The following TRIM29 variants were observed in gnomAD, a reference collection of about 807,000 sequenced individuals.
TRIM29 encodes tripartite motif-containing protein 29.
TRIM29 carries 52 observed loss-of-function variants against 57.3 expected under a neutral mutation model. The ratio of observed to expected loss-of-function variants is 0.91; its 90% CI spans 0.73 to 1.14. TRIM29 has a LOEUF of 1.14. Among genes scored for constraint, TRIM29 ranks in the 50% most tolerant of loss-of-function variants. The probability of loss-of-function intolerance (pLI) is 0.00; values close to 1 mark genes in which losing one functional copy is unlikely to be tolerated. For missense variants in TRIM29, 753 were observed against 774.6 expected, an observed-to-expected ratio of 0.97 and a Z score of 0.33; for synonymous variants, 319 against 316.9, an observed-to-expected ratio of 1.01 and a Z score of -0.07.
chr11:120,135,911 C>T (rs1488480336), intron 1 of TRIM29, among the ~76,000 whole-genome samples: 4 of 152,144 alleles, frequency 2.6e-5, no homozygotes, highest in Non-Finnish European at 5.9e-5. Context: ...CCACCCACAG[C>T]AGGAAGCTGT....
chr11:120,125,663 T>C lies in TRIM29; in HGVS notation c.1333+28A>G, dbSNP rs755799754. The C allele has an allele frequency of 2.5e-6, 4 of 1,613,238 alleles. No individual in the cohort carries two copies. The South Asian group carries it at 4.4e-5, about 18-fold the overall frequency. Reference sequence around the variant, plus strand: ...TTTGGGAGAGAAAGGTCTATGGCCTTGGGGCCCAGCCACGAGAGGGGACCT... The same window carrying C: ...TTTGGGAGAGAAAGGTCTATGGCCTCGGGGCCCAGCCACGAGAGGGGACCT... On this transcript the variant is annotated intron_variant, in intron 4 of 8. Transcript: ENST00000341846.
At chr11:120,112,889 TTAAA>T (rs1226776069) in intron 8 of TRIM29, among the ~76,000 whole-genome samples, 8 of 152,270 alleles carry the variant, frequency 5.3e-5, no homozygotes, top group Non-Finnish European at 1.0e-4. Flanking sequence ...AACCACCCAA[TTAAA>T]TAGATTACTA....
At chr11:120,120,548 AC>A in intron 6 of TRIM29, 24 bp downstream of exon 6, 1 of 1,604,558 alleles carries the variant, frequency 6.2e-7, no homozygotes, top group Non-Finnish European at 8.5e-7. Flanking sequence ...AACTCTGTGC[AC>A]CCTTGAGCTG....
chr11:120,114,125 G>A lies in TRIM29; in HGVS notation c.1704+1213C>T, dbSNP rs115905371. Among the ~76,000 whole-genome samples, 545 of 152,220 alleles carry A rather than the reference G, an allele frequency of 3.6e-3. 5 individuals carry two copies. The highest frequency in any genetic ancestry group is 0.011 in the African/African-American group (463 of 41,536). ...CAGCTCAGCTTCTCTGCAGCCCAGC[G>A]CCTGTCTCCACTCTCCCAGTGCTGG... On this transcript the variant is annotated intron_variant, in intron 8 of 8. Coordinates refer to ENST00000341846, the MANE Select transcript of TRIM29 (RefSeq NM_012101.4).
At chr11:120,115,661 C>A (rs1863249605) in intron 7 of TRIM29, 6 of 523,202 alleles carry the variant, frequency 1.1e-5, no homozygotes, top group South Asian at 1.0e-4. Flanking sequence ...TGGGCTGGAC[C>A]AGGCAGCAGG....
chr11:120,133,985 T>A (rs1163030590), intron 1 of TRIM29, among the ~76,000 whole-genome samples: 1 of 150,204 alleles, frequency 6.7e-6, no homozygotes, highest in Non-Finnish European at 1.5e-5. Flanking sequence ...ACCCAGGAGG[T>A]CTTAACATCC....
At chr11:120,128,971 G>A in intron 1 of TRIM29, 1 of 1,293,220 alleles carries the variant, frequency 7.7e-7, no homozygotes, top group Non-Finnish European at 9.9e-7. Flanking sequence ...GTTGCAAGCA[G>A]CAGCCAGGGT....
rs1377898892 is a variant in TRIM29 at position 120,127,479 on chromosome 11, C to G, written c.991G>C (p.Ala331Pro). 20 of 1,614,250 alleles carry G rather than the reference C, an allele frequency of 1.2e-5. No individual in the cohort carries two copies. The highest frequency in any genetic ancestry group is 1.7e-5 in the Admixed American group (1 of 60,030). ...LEKQKEEVRAALEQREQDAVD... is the reference protein window; with the variant it reads ...LEKQKEEVRAPLEQREQDAVD... ...GCATCCTGCTCCCGCTGCTCCAGCG[C>G]AGCCCTCACTTCCTCCTTTTGCTTC... The change falls in exon 3 of 9, where the codon GCG becomes CCG. Residue 331 changes from alanine (A) to proline (P), a missense_variant. By Grantham distance (27) the Ala-to-Pro change is conservative. Transcript: ENST00000341846.
In TRIM29 at chr11:120,116,846, G is replaced by C. The variant is rs527530256; in HGVS notation, c.1627+1377C>G. On this transcript the variant is annotated intron_variant, in intron 7 of 8. Coordinates refer to ENST00000341846, the MANE Select transcript of TRIM29 (RefSeq NM_012101.4). ...CAGGTGGGGCATGCATCCCTCTCCA[G>C]GGAGCTCTGGGGAGAAGGGACCGGC... 1.5e-3 allele frequency: 391 copies of C among 256,510 alleles called. 2 individuals are homozygous for C. The highest frequency in any genetic ancestry group is 8.3e-3 in the African/African-American group (362 of 43,760). 15.9% of individuals were successfully genotyped at this position (256,510 alleles called of 1,614,324 possible). A position where few individuals can be genotyped will look rare whatever the true frequency, so the allele number is the denominator to read the frequency against.
chr11:120,123,756 A>G (rs772211346), intron 4 of TRIM29: 15 of 327,946 alleles, frequency 4.6e-5, no homozygotes, highest in South Asian at 2.8e-4. Context: ...CTCCTGAGCA[A>G]GAGGAGAAAT....
At position 120,137,741 on chromosome 11, in the gene TRIM29, G is replaced by A; in HGVS notation, c.291C>T (p.Asp97=). ...DDKNSNYFSM[D]SMEGKRSPYA... is the part of the protein sequence containing the mutation. ...ACGGCGACCTCTTGCCTTCCATAGA[G>A]TCCATGCTGAAGTAGTTGGAGTTCT... is the stretch of plus-strand genomic sequence containing the variant. Residue 97 remains aspartate, a synonymous_variant, in exon 1 of 9, where the codon GAC becomes GAT. Transcript: ENST00000341846. This position sits in a 1 kb window ranked among gnomAD's most constrained non-coding sequence, Gnocchi z 6.2. The A allele has an allele frequency of 1.9e-6, 3 of 1,612,528 alleles. No individual in the cohort carries two copies. Among genetic ancestry groups the A allele is most frequent in the Non-Finnish European group, 2.5e-6 (3 of 1,180,016 alleles).
chr11:120,124,056 C>T lies in TRIM29; in HGVS notation c.1334-1001G>A, dbSNP rs543337690. 1.4e-3 allele frequency: 224 copies of T among 155,646 alleles called. 1 individual carries two copies. The highest frequency in any genetic ancestry group is 5.1e-3 in the African/African-American group (213 of 41,538). The allele number at this position is 155,646 out of a possible 1,614,324, so 9.6% of individuals were successfully genotyped here. On this transcript the variant is annotated intron_variant, in intron 4 of 8. Coordinates refer to ENST00000341846, the MANE Select transcript of TRIM29 (RefSeq NM_012101.4). ...AGCAGACACACTCCCAGCAGCCACA[C>T]GAAAAAACAACACAGAGGCAGAGGA...
intron 7 of TRIM29, chr11:120,117,911 G>T (rs1863315822): frequency 2.7e-6 from 1 of 369,672 alleles, no homozygotes; most frequent in Non-Finnish European, 5.0e-6. Context: ...AGCATCCTGA[G>T]GATCAGAGAG....
In TRIM29 at chr11:120,137,596, C is replaced by G; in HGVS notation, c.436G>C (p.Gly146Arg). Residue 146 changes from glycine to arginine, a missense_variant, in exon 1 of 9, where the codon GGG (glycine) becomes CGG (arginine). Gly to Arg is a moderately radical substitution (Grantham distance 125). Transcript: ENST00000341846. The surrounding 1 kb of genome is among the most constrained non-coding windows in gnomAD (Gnocchi z 6.2). ...GGGTAGCTGTTCCGCCGGGTCTCCC[C>G]GGGCTCCATGATGGACACCGTGGGC... The part of the protein sequence containing the change: ...RKPTVSIMEP[G>R]ETRRNSYPRA... 6.2e-7 allele frequency: 1 copy of G among 1,613,312 alleles called. No individual in the cohort carries two copies. The highest frequency in any genetic ancestry group is 8.5e-7 in the Non-Finnish European group (1 of 1,180,020).
intron 8 of TRIM29, chr11:120,113,699 A>G (rs1354659912): frequency 6.6e-6 from 3 of 456,084 alleles, no homozygotes; most frequent in African/African-American, 6.0e-5. Flanking sequence ...AGGGGTAAGA[A>G]CAGCTACTTA....
chr11:120,118,605 C>T (rs1226125186), intron 6 of TRIM29, among the ~76,000 whole-genome samples: 1 of 152,088 alleles, frequency 6.6e-6, no homozygotes, highest in Non-Finnish European at 1.5e-5. Context: ...GAGTTGCTCC[C>T]CCAACCCCCA....
chr11:120,120,796 C>T (rs754202211), intron 5 of TRIM29, 131 bp from the exon 6 acceptor site: 161 of 763,010 alleles, frequency 2.1e-4, no homozygotes, highest in Non-Finnish European at 1.0e-4. Flanking sequence ...TTGGGTCTGA[C>T]ATAAGTCAAT....
At chr11:120,113,627 G>A (rs1863193601) in intron 8 of TRIM29, 2 of 456,146 alleles carry the variant, frequency 4.4e-6, no homozygotes, top group Non-Finnish European at 8.8e-6. Flanking sequence ...AGCAGGACTT[G>A]AGGGATGCTC....
intron 8 of TRIM29, among the ~76,000 whole-genome samples, chr11:120,112,924 T>A (rs1863170934): frequency 6.6e-6 from 1 of 152,182 alleles, no homozygotes; most frequent in South Asian, 2.1e-4. Context: ...CAATTTATAG[T>A]TGAGCAAACC....
Sources: allele counts gnomAD v4.1 joint callset (sites outside exome capture counted in the v4.1 genomes callset), GRCh38; gene constraint gnomAD v4.1.1; non-coding constraint Gnocchi (gnomAD v3.1); transcripts MANE v1.5; gene names NCBI Gene and HGNC (gene_info 2026-07-23, HGNC 2026-07-21).